Variants in KLF12 observed in about 807,000 individuals in gnomAD.
KLF12 encodes the protein Krueppel-like factor 12.
Under a neutral mutation model 37.8 loss-of-function variants are expected in KLF12, and 9 were observed. That is an observed-to-expected ratio of 0.24 (90% CI 0.14 to 0.42). The LOEUF (loss-of-function observed/expected upper bound fraction) is 0.42. Ranked by LOEUF, KLF12 falls within the 10% of genes least tolerant of loss-of-function variation. The pLI is 1.00. For missense variants in KLF12, 411 were observed against 516.0 expected (o/e 0.80, Z 1.97); for synonymous variants, 208 against 202.1 (o/e 1.03, Z -0.25).
the KLF12 span, among the ~76,000 whole-genome samples, chr13:74,232,797 G>A: frequency 1.3e-5 from 2 of 152,108 alleles, no homozygotes; most frequent in Admixed American, 6.5e-5. Context: ...AAAGTGTTGG[G>A]CCATCCCATG....
intron 6 of KLF12, among the ~76,000 whole-genome samples, chr13:73,756,198 C>A (rs1276576276): frequency 1.3e-5 from 2 of 152,134 alleles, no homozygotes; most frequent in Admixed American, 6.5e-5. Flanking sequence ...GCCATAAAGA[C>A]TAATTTAGCA....
At chr13:74,009,162 T>C (rs1369041520) in intron 1 of KLF12, among the ~76,000 whole-genome samples, 1 of 152,226 alleles carries the variant, frequency 6.6e-6, no homozygotes, top group African/African-American at 2.4e-5. Context: ...AGTTTATCTG[T>C]GACTGTAAAT....
chr13:73,885,240 T>A (rs1933595843), intron 3 of KLF12, among the ~76,000 whole-genome samples: 1 of 152,082 alleles, frequency 6.6e-6, no homozygotes, highest in Non-Finnish European at 1.5e-5. Flanking sequence ...CATCTCCTCT[T>A]ACAATCTTCC....
intron 7 of KLF12, among the ~76,000 whole-genome samples, chr13:73,698,749 G>C (rs1041296348): frequency 6.6e-6 from 1 of 152,140 alleles, no homozygotes; most frequent in Non-Finnish European, 1.5e-5. Flanking sequence ...TATAATGTAT[G>C]GCCTTCAATG....
chr13:73,719,327 G>T (rs1876053465), intron 6 of KLF12, among the ~76,000 whole-genome samples: 1 of 151,678 alleles, frequency 6.6e-6, no homozygotes, highest in African/African-American at 2.4e-5. Flanking sequence ...TGGACTGGGG[G>T]TTTGTCTGAA....
At chr13:73,990,652 C>A (rs1891943034) in intron 2 of KLF12, among the ~76,000 whole-genome samples, 2 of 151,962 alleles carry the variant, frequency 1.3e-5, no homozygotes, top group South Asian at 2.1e-4. Flanking sequence ...TCAAAAGATT[C>A]TGTTTCAAGT....
At chr13:74,082,176 A>C (rs894610184) in intron 1 of KLF12, among the ~76,000 whole-genome samples, 1 of 150,800 alleles carries the variant, frequency 6.6e-6, no homozygotes, top group Admixed American at 6.6e-5. Context: ...AAAAAAAAAA[A>C]AACAAAGTTA....
intron 2 of KLF12, among the ~76,000 whole-genome samples, chr13:73,970,038 C>T (rs1891284361): frequency 6.6e-6 from 1 of 152,020 alleles, no homozygotes. Context: ...CTCCTCATGC[C>T]AGTGGTACAA....
At chr13:74,088,196 A>G (rs1388678343) in intron 1 of KLF12, among the ~76,000 whole-genome samples, 1 of 152,196 alleles carries the variant, frequency 6.6e-6, no homozygotes, top group African/African-American at 2.4e-5. Flanking sequence ...AAATTCCAGC[A>G]AGCATAAATA....
At chr13:74,074,282 T>A (rs184060624) in intron 1 of KLF12, among the ~76,000 whole-genome samples, 8 of 152,256 alleles carry the variant, frequency 5.3e-5, no homozygotes, top group Admixed American at 3.3e-4. Context: ...ACAGGAGGGA[T>A]GAACAAACCC....
chr13:73,906,336 G>A (rs1300073149), intron 3 of KLF12, among the ~76,000 whole-genome samples: 1 of 152,152 alleles, frequency 6.6e-6, no homozygotes, highest in Non-Finnish European at 1.5e-5. Context: ...TGGGAAGTCT[G>A]TTAATACAAT....
At chr13:74,048,414 C>T (rs1893604090) in intron 1 of KLF12, among the ~76,000 whole-genome samples, 1 of 151,462 alleles carries the variant, frequency 6.6e-6, no homozygotes, top group African/African-American at 2.4e-5. Context: ...TTGCTGTTCT[C>T]TCAAGGACTG....
chr13:73,912,251 C>T (rs1888604144), intron 3 of KLF12, among the ~76,000 whole-genome samples: 1 of 152,104 alleles, frequency 6.6e-6, no homozygotes, highest in Admixed American at 6.5e-5. Flanking sequence ...ACTGTGTGGC[C>T]TTCCTTTAAG....
chr13:73,953,624 A>AT (rs1890720147), intron 2 of KLF12, among the ~76,000 whole-genome samples: 1 of 152,176 alleles, frequency 6.6e-6, no homozygotes, highest in African/African-American at 2.4e-5. Context: ...TAAGTCATAT[A>AT]TTTTCTGTGG....
At chr13:73,987,797 A>G (rs1891864952) in intron 2 of KLF12, among the ~76,000 whole-genome samples, 1 of 116,648 alleles carries the variant, frequency 8.6e-6, no homozygotes, top group African/African-American at 3.4e-5. Context: ...GTGGGAGAGG[A>G]GAGAGAAAGT....
intron 2 of KLF12, among the ~76,000 whole-genome samples, chr13:73,987,872 A>G (rs1422839574): frequency 2.6e-5 from 4 of 151,796 alleles, no homozygotes; most frequent in African/African-American, 9.7e-5. Flanking sequence ...CTGCAGGGAG[A>G]GGGAGGGTAG....
At chr13:73,726,159 G>A (rs190507596) in intron 6 of KLF12, among the ~76,000 whole-genome samples, 133 of 152,148 alleles carry the variant, frequency 8.7e-4, no homozygotes, top group Admixed American at 1.4e-3. Context: ...AGCTTCAAGT[G>A]GGTTTTTAAT....
In KLF12 at chr13:73,695,532, T is replaced by C; in HGVS notation, c.1167A>G (p.Ser389=). The change falls in exon 8 of 8, where the codon TCA becomes TCG. Residue 389 remains serine (S), a synonymous_variant. Transcript: ENST00000377669. The stretch of plus-strand genomic sequence containing the variant: ...TCCGGCGGTGCAGGGCCAAATGATC[T>C]GACCGGGAAAAGCTGCGATCACAGT... 9 of 1,614,110 alleles carry C rather than the reference T, an allele frequency of 5.6e-6. No homozygotes were observed. Among genetic ancestry groups the C allele is most frequent in the Non-Finnish European group, 7.6e-6 (9 of 1,179,976 alleles).
upstream of KLF12, among the ~76,000 whole-genome samples, chr13:74,135,544 G>A (rs923622153): frequency 2.0e-5 from 3 of 151,232 alleles, no homozygotes; most frequent in Admixed American, 6.6e-5. Flanking sequence ...CGGGGTCAGC[G>A]CCGAGCCGGA....
Sources: allele counts gnomAD v4.1 joint callset (sites outside exome capture counted in the v4.1 genomes callset), GRCh38; gene constraint gnomAD v4.1.1; transcripts MANE v1.5; gene names NCBI Gene and HGNC (gene_info 2026-07-23, HGNC 2026-07-21).